MAX: variants seen among roughly 807,000 people sequenced by gnomAD.
The protein encoded by MAX is protein max.
Under a neutral mutation model 22.3 loss-of-function variants are expected in MAX, and 3 were observed. The ratio of observed to expected loss-of-function variants is 0.13; its 90% CI spans 0.06 to 0.35. The LOEUF is 0.35. Ranked by LOEUF, MAX falls within the 10% of genes least tolerant of loss-of-function variation. The probability of loss-of-function intolerance (pLI) is 1.00; values close to 1 mark genes in which losing one functional copy is unlikely to be tolerated. For synonymous variants in MAX, 72 were observed against 77.7 expected, an observed-to-expected ratio of 0.93 and a Z score of 0.39; for missense variants, 119 against 209.4, an observed-to-expected ratio of 0.57 and a Z score of 2.66.
rs1595126002 is a variant in MAX, at chr14:65,076,068, G to A, written c.*408C>T. 4 of 1,222,200 alleles carry A rather than the reference G, an allele frequency of 3.3e-6. No individual in the cohort carries two copies. The East Asian group carries it at 1.1e-4, about 34-fold the overall frequency. 75.7% of individuals were successfully genotyped at this position (1,222,200 alleles called of 1,614,324 possible). A position where few individuals can be genotyped will look rare whatever the true frequency, so the allele number is the denominator to read the frequency against. Reference sequence around the variant, plus strand: ...GATTCACAAAGTCTATCAGAGGTGAGGGCGGGCCAGGAGGCCACCTGGGCA... The same window carrying A: ...GATTCACAAAGTCTATCAGAGGTGAAGGCGGGCCAGGAGGCCACCTGGGCA... On this transcript the variant is annotated 3_prime_UTR_variant, in exon 5 of 5. Transcript: ENST00000358664. The surrounding 1 kb of genome is among the most constrained non-coding windows in gnomAD (Gnocchi z 6.6).
downstream of MAX, among the ~76,000 whole-genome samples, chr14:65,071,971 G>A (rs925714294): frequency 9.9e-5 from 15 of 152,252 alleles, no homozygotes; most frequent in Non-Finnish European, 1.6e-4. The surrounding 1 kb of genome is among the most constrained non-coding windows in gnomAD (Gnocchi z 4.2). Context: ...CTTTGGGGAT[G>A]TATGAGTTAG....
At chr14:65,055,283 G>A (rs1259743382) in intron 3 of MAX, among the ~76,000 whole-genome samples, 1 of 152,204 alleles carries the variant, frequency 6.6e-6, no homozygotes, top group African/African-American at 2.4e-5. Context: ...ACCTGGAGGT[G>A]CTCTGAGCCT....
In MAX at chr14:65,013,185, C is replaced by T. The variant is rs577529528; in HGVS notation, c.172-6901G>A. 9.4e-4 allele frequency among the ~76,000 whole-genome samples: 143 copies of T among 152,284 alleles called. 1 individual carries two copies. Among genetic ancestry groups the T allele is most frequent in the Non-Finnish European group, 1.7e-3 (113 of 68,030 alleles). On this transcript the variant is annotated intron_variant, in intron 3 of 3. Transcript: ENST00000341653. ...TTTGCCAACTCAAATGCCTGTAGGGCCCAGGCAGGCAGCATAAATCAGTGA... is the reference window on the plus strand; with the variant it reads ...TTTGCCAACTCAAATGCCTGTAGGGTCCAGGCAGGCAGCATAAATCAGTGA...
chr14:65,086,730 T>TG (rs1374612798), intron 3 of MAX, among the ~76,000 whole-genome samples: 1 of 152,230 alleles, frequency 6.6e-6, no homozygotes. Flanking sequence ...ATTTGTAGCC[T>TG]GACAATGTGA....
rs1304281342 is a variant in MAX, at chr14:65,082,713, G to C, written c.172-4677C>G. On this transcript the variant is annotated intron_variant, in intron 3 of 4. Transcript: ENST00000358664. The surrounding 1 kb of genome is among the most constrained non-coding windows in gnomAD (Gnocchi z 4.8). ...GCCCATGGGGCTGAAGCTGCAGTGA[G>C]ACAGGCTTGTGCCAACACACTCCAG... Among the ~76,000 whole-genome samples, 2 of 151,868 alleles carry C rather than the reference G, an allele frequency of 1.3e-5. No homozygotes were observed. Among genetic ancestry groups the C allele is most frequent in the Non-Finnish European group, 2.9e-5 (2 of 68,002 alleles).
At position 65,054,587 on chromosome 14, in the gene MAX, C is replaced by T; in HGVS notation, c.171+39121G>A. On this transcript the variant is annotated intron_variant, in intron 3 of 3. Coordinates refer to the MAX transcript ENST00000341653. This position sits in a 1 kb window ranked among gnomAD's most constrained non-coding sequence, Gnocchi z 4.4. ...CCTGTCCTTACAGGTCGCGTGATTT[C>T]TACCACACCTGCTACTGCCTGAGCG... The T allele has an allele frequency of 6.2e-7, 1 of 1,613,352 alleles. No individual in the cohort carries two copies. Among genetic ancestry groups the T allele is most frequent in the Non-Finnish European group, 8.5e-7 (1 of 1,179,736 alleles).
Position 65,076,370 on chromosome 14 carries a change from AAAAT to A in MAX, c.*102_*105del. ...TTTAAAAAAAAAAGGGAGAAAGAGA[AAAAT>A]AAAGAGTCTCTTAAATGGTTCTGAG... is the stretch of plus-strand genomic sequence containing the variant. On this transcript the variant is annotated 3_prime_UTR_variant, in exon 5 of 5. Coordinates refer to ENST00000358664, the MANE Select transcript of MAX (RefSeq NM_002382.5). This position sits in a 1 kb window ranked among gnomAD's most constrained non-coding sequence, Gnocchi z 6.6. The A allele has an allele frequency of 1.3e-6, 2 of 1,566,392 alleles. No homozygotes were observed. Among genetic ancestry groups the A allele is most frequent in the South Asian group, 1.2e-5 (1 of 83,428 alleles).
Position 65,032,336 on chromosome 14 carries a change from G to A in MAX, c.172-26052C>T. ...ATCCACTTTTGACATGAATTGATAT[G>A]GCTGTTATTTCCTCTGATGTAGATT... On this transcript the variant is annotated intron_variant, in intron 3 of 3. Transcript: ENST00000341653. The surrounding 1 kb of genome is among the most constrained non-coding windows in gnomAD (Gnocchi z 5.0). 1 of 305,860 alleles carries A rather than the reference G, an allele frequency of 3.3e-6. No individual in the cohort carries two copies. The highest frequency in any genetic ancestry group is 6.0e-6 in the Non-Finnish European group (1 of 166,376). The allele number at this position is 305,860 out of a possible 1,614,324, so 18.9% of individuals were successfully genotyped here. A position where few individuals can be genotyped will look rare whatever the true frequency, so the allele number is the denominator to read the frequency against.
chr14:65,053,382 AG>A, intron 3 of MAX: 1 of 1,381,750 alleles, frequency 7.2e-7, no homozygotes, highest in South Asian at 1.9e-5. Context: ...GGGAAGGGAG[AG>A]GGGAGGAGAG....
intron 3 of MAX, among the ~76,000 whole-genome samples, chr14:65,086,848 TC>T (rs1321599347): frequency 2.6e-5 from 4 of 151,984 alleles, no homozygotes; most frequent in Non-Finnish European, 5.9e-5. Context: ...GGAAAATGTC[TC>T]CAGGGCATGT....
intron 2 of MAX, among the ~76,000 whole-genome samples, chr14:65,099,136 C>T (rs2063754392): frequency 6.6e-6 from 1 of 151,976 alleles, no homozygotes; most frequent in Non-Finnish European, 1.5e-5. Flanking sequence ...TAAGCAGATG[C>T]ATTCACAGAG....
At chr14:65,022,216 C>T (rs188233164) in intron 3 of MAX, 35 of 381,492 alleles carry the variant, frequency 9.2e-5, no homozygotes, top group African/African-American at 6.8e-4. Flanking sequence ...CTTGCATTTA[C>T]ATCCCCTCCT....
intron 3 of MAX, among the ~76,000 whole-genome samples, chr14:65,055,379 G>A (rs969611733): frequency 6.6e-6 from 1 of 152,106 alleles, no homozygotes; most frequent in African/African-American, 2.4e-5. Flanking sequence ...GAATTTTTGT[G>A]TGCAGTTCCC....
In MAX at chr14:65,088,748, C is replaced by T. The variant is rs889739712; in HGVS notation, c.171+4960G>A. 1.1e-4 allele frequency among the ~76,000 whole-genome samples: 16 copies of T among 152,174 alleles called. No homozygotes were observed. Among genetic ancestry groups the T allele is most frequent in the Admixed American group, 1.0e-3 (16 of 15,280 alleles). ...AACCAAAAGGAGACATTCTCCCTGC[C>T]TTCACGGTACTTATTGTAGTGTAGT... On this transcript the variant is annotated intron_variant, in intron 3 of 4. Coordinates refer to ENST00000358664, the MANE Select transcript of MAX (RefSeq NM_002382.5). The surrounding 1 kb of genome is among the most constrained non-coding windows in gnomAD (Gnocchi z 5.2).
chr14:65,027,569 GC>G lies in MAX; in HGVS notation c.172-21286del. On this transcript the variant is annotated intron_variant, in intron 3 of 3. Coordinates refer to the MAX transcript ENST00000341653. The surrounding 1 kb of genome is among the most constrained non-coding windows in gnomAD (Gnocchi z 5.7). ...GCAGTCAATGCATTGTGCATCATTGGCACCGAGGAGGCCTATGACATCATTA... is the reference window on the plus strand; with the variant it reads ...GCAGTCAATGCATTGTGCATCATTGGACCGAGGAGGCCTATGACATCATTA... 1 of 1,614,154 alleles carries G rather than the reference GC, an allele frequency of 6.2e-7. No individual in the cohort carries two copies. Among genetic ancestry groups the G allele is most frequent in the East Asian group, 2.2e-5 (1 of 44,890 alleles).
At chr14:65,064,415 TG>T (rs1019655251) in intron 3 of MAX, among the ~76,000 whole-genome samples, 19 of 152,318 alleles carry the variant, frequency 1.2e-4, no homozygotes, top group African/African-American at 3.8e-4. Flanking sequence ...GGAATTAGGC[TG>T]GTCCTATTAG....
chr14:65,084,450 A>AGACT lies in MAX; in HGVS notation c.172-6418_172-6415dup. Reference sequence around the variant, plus strand: ...CTGGTACTCTCAAAACACTACCAAAAGACTACTCTTTAGAATTTGCTTGAA... The same window carrying AGACT: ...CTGGTACTCTCAAAACACTACCAAAAGACTGACTACTCTTTAGAATTTGCTTGAA... On this transcript the variant is annotated intron_variant, in intron 3 of 4. Transcript: ENST00000358664. This position sits in a 1 kb window ranked among gnomAD's most constrained non-coding sequence, Gnocchi z 4.3. 1 of 620,890 alleles carries AGACT rather than the reference A, an allele frequency of 1.6e-6. No homozygotes were observed. The highest frequency in any genetic ancestry group is 2.9e-6 in the Non-Finnish European group (1 of 347,510). The allele number at this position is 620,890 out of a possible 1,614,324, so 38.5% of individuals were successfully genotyped here.
intron 3 of MAX, among the ~76,000 whole-genome samples, chr14:65,033,210 C>CT (rs528078502): frequency 2.6e-4 from 40 of 152,024 alleles, no homozygotes; most frequent in Non-Finnish European, 4.6e-4. Context: ...GGAAAAATCT[C>CT]TATGTTGAGT....
At chr14:65,015,395 G>A (rs1252137036) in intron 3 of MAX, 6 of 386,512 alleles carry the variant, frequency 1.6e-5, no homozygotes, top group Non-Finnish European at 2.8e-5. Flanking sequence ...GAACCACCGC[G>A]CCCAGCCTTG....
Sources: allele counts gnomAD v4.1 joint callset (sites outside exome capture counted in the v4.1 genomes callset), GRCh38; gene constraint gnomAD v4.1.1; non-coding constraint Gnocchi (gnomAD v3.1); transcripts MANE v1.5; gene names NCBI Gene and HGNC (gene_info 2026-07-23, HGNC 2026-07-21).